The following NTM variants were observed in gnomAD, a reference collection of about 807,000 sequenced individuals.
NTM encodes neurotrimin.
In NTM, 13 loss-of-function variants were observed where a neutral mutation model predicts 42.1. That is an observed-to-expected ratio of 0.31 (90% CI 0.20 to 0.49). The LOEUF (loss-of-function observed/expected upper bound fraction) is 0.49. Ranked by LOEUF, NTM falls within the 20% of genes least tolerant of loss-of-function variation. The probability of loss-of-function intolerance (pLI) is 0.99; values close to 1 mark genes in which losing one functional copy is unlikely to be tolerated. For synonymous variants in NTM, 187 were observed against 179.2 expected (o/e 1.04, Z -0.35); for missense variants, 373 against 452.8 (o/e 0.82, Z 1.60).
At chr11:132,260,527 C>A (rs2092783453) in intron 4 of NTM, among the ~76,000 whole-genome samples, 1 of 151,842 alleles carries the variant, frequency 6.6e-6, no homozygotes, top group Non-Finnish European at 1.5e-5. Context: ...TAAGAGAAAC[C>A]AAAAAATGAA....
intron 2 of NTM, among the ~76,000 whole-genome samples, chr11:132,059,146 G>A (rs1359390598): frequency 6.6e-6 from 1 of 152,188 alleles, no homozygotes; most frequent in African/African-American, 2.4e-5. Context: ...TAGCCTAGAA[G>A]CAGCCTCTGG....
At chr11:132,004,976 G>A (rs1565929146) in intron 2 of NTM, among the ~76,000 whole-genome samples, 1 of 152,158 alleles carries the variant, frequency 6.6e-6, no homozygotes, top group Non-Finnish European at 1.5e-5. Flanking sequence ...CACGCAGAAT[G>A]ACAACGGGAT....
At chr11:131,764,015 C>A (rs1460920438) in intron 1 of NTM, among the ~76,000 whole-genome samples, 1 of 151,698 alleles carries the variant, frequency 6.6e-6, no homozygotes, top group Admixed American at 6.6e-5. Flanking sequence ...TATTAAACCT[C>A]TAAAACATTT....
intron 1 of NTM, among the ~76,000 whole-genome samples, chr11:131,872,223 T>G (rs1313331592): frequency 6.6e-6 from 1 of 152,198 alleles, no homozygotes; most frequent in Non-Finnish European, 1.5e-5. Flanking sequence ...CTCAGGAGCT[T>G]GGGCCAGCCT....
At chr11:131,737,048 A>T (rs1423351962) in intron 1 of NTM, among the ~76,000 whole-genome samples, 3 of 152,132 alleles carry the variant, frequency 2.0e-5, no homozygotes, top group Admixed American at 6.5e-5. Context: ...GGTGCTGTAC[A>T]TTTATTTAGC....
intron 4 of NTM, among the ~76,000 whole-genome samples, chr11:132,244,075 T>G (rs1319447370): frequency 6.6e-6 from 1 of 152,220 alleles, no homozygotes; most frequent in Admixed American, 6.5e-5. Flanking sequence ...CATTCCAGGC[T>G]GGGGCTGACA....
chr11:131,416,501 A>G (rs1278750912), intron 1 of NTM, among the ~76,000 whole-genome samples: 1 of 152,156 alleles, frequency 6.6e-6, no homozygotes, highest in East Asian at 1.9e-4. Context: ...CACCTTCAAC[A>G]TTGGCTGATG....
At chr11:131,972,161 T>C (rs1203509063) in intron 2 of NTM, among the ~76,000 whole-genome samples, 2 of 151,990 alleles carry the variant, frequency 1.3e-5, no homozygotes, top group Non-Finnish European at 2.9e-5. Context: ...TGCAATGAGC[T>C]GTGATTGCAC....
chr11:131,701,874 A>G (rs1390078778), intron 1 of NTM, among the ~76,000 whole-genome samples: 2 of 152,174 alleles, frequency 1.3e-5, no homozygotes, highest in Non-Finnish European at 2.9e-5. Context: ...GCAAAATGAA[A>G]ATGTACCACC....
chr11:131,680,613 GTGTC>G lies in NTM; in HGVS notation c.83-230947_83-230944del, dbSNP rs550614205. 2.5e-4 allele frequency among the ~76,000 whole-genome samples: 37 copies of G among 149,008 alleles called. 1 individual carries two copies. Among genetic ancestry groups the G allele is most frequent in the African/African-American group, 8.7e-4 (35 of 40,294 alleles). ...TGTGTGTGAGATCATGCCTGTGTCT[GTGTC>G]TGTGAGTGCCTGTGTGTGTGTCTGT... is the stretch of plus-strand genomic sequence containing the variant. On this transcript the variant is annotated intron_variant, in intron 1 of 8. Transcript: ENST00000683400.
At chr11:131,986,180 A>G (rs2066040736) in intron 2 of NTM, among the ~76,000 whole-genome samples, 1 of 152,226 alleles carries the variant, frequency 6.6e-6, no homozygotes, top group South Asian at 2.1e-4. Flanking sequence ...AACAGTTTCA[A>G]AGTTGAAACA....
At chr11:131,751,585 G>T (rs1439990701) in intron 1 of NTM, among the ~76,000 whole-genome samples, 1 of 123,404 alleles carries the variant, frequency 8.1e-6, no homozygotes, top group African/African-American at 3.2e-5. Context: ...GCAAGACTCC[G>T]TCTCAAAAAA....
At position 131,455,955 on chromosome 11, in the gene NTM, T is replaced by C. The variant is rs536472220; in HGVS notation, c.82+85067T>C. Among the ~76,000 whole-genome samples, 17 of 152,330 alleles carry C rather than the reference T, an allele frequency of 1.1e-4. 1 individual carries two copies. The South Asian group carries it at 3.1e-3, about 28-fold the overall frequency. The stretch of plus-strand genomic sequence containing the variant: ...TGATGAACAAAGAGAAAGTTGGAAG[T>C]TTTATAAAAAGGAGAAATGTTATTC... On this transcript the variant is annotated intron_variant, in intron 1 of 8. Coordinates refer to ENST00000683400, the MANE Select transcript of NTM (RefSeq NM_001352005.2).
At chr11:132,024,127 T>C (rs1593840448) in intron 2 of NTM, among the ~76,000 whole-genome samples, 1 of 152,158 alleles carries the variant, frequency 6.6e-6, no homozygotes, top group South Asian at 2.1e-4. Context: ...ATTTTTTTTT[T>C]AATGTAATAA....
At position 131,886,367 on chromosome 11, in the gene NTM, C is replaced by A. The variant is rs149099414; in HGVS notation, c.83-25197C>A. 9.2e-5 allele frequency among the ~76,000 whole-genome samples: 14 copies of A among 152,326 alleles called. No individual in the cohort carries two copies. The East Asian group carries it at 2.7e-3, about 29-fold the overall frequency. ...TGGCTTCATCCTCCTCAATGAAATT[C>A]TCTGCCCAGGCAGGCTGTGGAGGAG... On this transcript the variant is annotated intron_variant, in intron 1 of 8. Coordinates refer to ENST00000683400, the MANE Select transcript of NTM (RefSeq NM_001352005.2).
intron 1 of NTM, among the ~76,000 whole-genome samples, chr11:131,737,836 A>G (rs2080675891): frequency 1.3e-5 from 2 of 152,116 alleles, no homozygotes; most frequent in Non-Finnish European, 2.9e-5. Flanking sequence ...TGCCCAGTAC[A>G]AGGTTGACAC....
chr11:132,230,409 G>C (rs896926158), intron 4 of NTM, among the ~76,000 whole-genome samples: 7 of 152,266 alleles, frequency 4.6e-5, no homozygotes, highest in Non-Finnish European at 7.4e-5. Flanking sequence ...TAACTTGCTG[G>C]AGGTCAAGTC....
At chr11:131,470,089 C>T (rs1358879348) in intron 1 of NTM, among the ~76,000 whole-genome samples, 2 of 152,188 alleles carry the variant, frequency 1.3e-5, no homozygotes, top group Non-Finnish European at 2.9e-5. Flanking sequence ...ATGGACACTG[C>T]CCGTCCTCTT....
intron 1 of NTM, among the ~76,000 whole-genome samples, chr11:131,645,073 A>T (rs1251123212): frequency 6.6e-6 from 1 of 152,118 alleles, no homozygotes; most frequent in Non-Finnish European, 1.5e-5. Flanking sequence ...TTGAGCCCTG[A>T]CCAGACTCTA....
Sources: gnomAD v4.1 joint callset for allele counts (sites outside exome capture counted in the v4.1 genomes callset) on GRCh38, gnomAD v4.1.1 for gene constraint, MANE v1.5 for transcripts, NCBI Gene and HGNC (gene_info 2026-07-23, HGNC 2026-07-21) for gene names.